The following NAALADL2 variants were observed in gnomAD, a reference collection of about 807,000 sequenced individuals.
The protein encoded by NAALADL2 is inactive N-acetylated-alpha-linked acidic dipeptidase-like protein 2.
Under a neutral mutation model 87.2 loss-of-function variants are expected in NAALADL2, and 76 were observed. That is an observed-to-expected ratio of 0.87 (90% CI 0.72 to 1.05). The LOEUF (loss-of-function observed/expected upper bound fraction) is 1.05. Among genes scored for constraint, NAALADL2 ranks in the 50% least tolerant of loss-of-function variants. The pLI is 0.00. For missense variants in NAALADL2, 1,089 were observed against 945.8 expected, an observed-to-expected ratio of 1.15 and a Z score of -1.99; for synonymous variants, 354 against 331.0, an observed-to-expected ratio of 1.07 and a Z score of -0.75.
At chr3:175,640,375 T>C (rs1729121172) in intron 11 of NAALADL2, among the ~76,000 whole-genome samples, 1 of 152,198 alleles carries the variant, frequency 6.6e-6, no homozygotes, top group South Asian at 2.1e-4. Flanking sequence ...TTGGTGTTTT[T>C]TTCCCTCATG....
intron 11 of NAALADL2, among the ~76,000 whole-genome samples, chr3:175,650,350 G>A (rs1205186390): frequency 6.6e-6 from 1 of 152,140 alleles, no homozygotes; most frequent in African/African-American, 2.4e-5. Flanking sequence ...ATTGCAAATA[G>A]AACTCAAAGG....
In NAALADL2 at chr3:175,177,814, T is replaced by C. The variant is rs1426594343; in HGVS notation, c.546-56117T>C. ...GCTGAAGCACGAATAAGTGAGGTGA[T>C]TTGCCCAGTGAGGTAGGGTACAGTG... is the stretch of plus-strand genomic sequence containing the variant. On this transcript the variant is annotated intron_variant, in intron 2 of 13. Transcript: ENST00000454872. Among the ~76,000 whole-genome samples, 3 of 149,002 alleles carry C rather than the reference T, an allele frequency of 2.0e-5. No homozygotes were observed. The Admixed American group carries it at 2.1e-4, about 10-fold the overall frequency.
intron 5 of NAALADL2, among the ~76,000 whole-genome samples, chr3:175,378,867 C>A (rs1452095145): frequency 6.6e-6 from 1 of 152,134 alleles, no homozygotes; most frequent in Non-Finnish European, 1.5e-5. Flanking sequence ...AGTAGATAAA[C>A]TTTAGGCACT....
chr3:175,373,028 T>C (rs977350261), intron 5 of NAALADL2, among the ~76,000 whole-genome samples: 1 of 152,184 alleles, frequency 6.6e-6, no homozygotes, highest in African/African-American at 2.4e-5. Context: ...TCAGGCAGCC[T>C]CAGAATGAGG....
chr3:175,298,709 G>A (rs1756669217), intron 4 of NAALADL2, among the ~76,000 whole-genome samples: 1 of 151,972 alleles, frequency 6.6e-6, no homozygotes, highest in African/African-American at 2.4e-5. Flanking sequence ...GTTGTATTCT[G>A]TGCATTTCTA....
intron 3 of NAALADL2, among the ~76,000 whole-genome samples, chr3:175,253,805 G>A (rs1043321810): frequency 2.0e-5 from 3 of 152,142 alleles, no homozygotes; most frequent in African/African-American, 4.8e-5. Flanking sequence ...AAGATTTTAA[G>A]GAGGTAACTG....
chr3:175,113,986 A>G (rs1724660703), intron 2 of NAALADL2, among the ~76,000 whole-genome samples: 1 of 151,642 alleles, frequency 6.6e-6, no homozygotes, highest in Non-Finnish European at 1.5e-5. Context: ...CTCACAAAGA[A>G]TCAAGTGTTA....
At chr3:174,733,743 A>G (rs1732924532) in intron 2 of NAALADL2, among the ~76,000 whole-genome samples, 1 of 152,186 alleles carries the variant, frequency 6.6e-6, no homozygotes, top group Non-Finnish European at 1.5e-5. Context: ...GAGATGGGAG[A>G]TCAGTCTCAA....
chr3:175,682,066 G>A (rs891147243), intron 11 of NAALADL2, among the ~76,000 whole-genome samples: 11 of 152,178 alleles, frequency 7.2e-5, no homozygotes, highest in Middle Eastern at 3.4e-3. Context: ...TCAGTTCAGA[G>A]TTGTGTGTCA....
chr3:175,787,023 T>C (rs547644236), intron 13 of NAALADL2, among the ~76,000 whole-genome samples: 34 of 150,914 alleles, frequency 2.3e-4, no homozygotes, highest in South Asian at 1.0e-3. Context: ...TTAGGCTGCT[T>C]GTTGGTCAGG....
At chr3:174,890,128 G>A (rs1289298150) in intron 1 of NAALADL2, among the ~76,000 whole-genome samples, 2 of 152,124 alleles carry the variant, frequency 1.3e-5, no homozygotes, top group Non-Finnish European at 1.5e-5. Flanking sequence ...TCACGATGAC[G>A]TTTCTAGTAA....
At chr3:174,701,315 G>A (rs907010313) in intron 2 of NAALADL2, among the ~76,000 whole-genome samples, 1 of 151,874 alleles carries the variant, frequency 6.6e-6, no homozygotes, top group Non-Finnish European at 1.5e-5. Flanking sequence ...TTGTTGAGCA[G>A]ATGCCAGAGA....
chr3:174,724,480 CT>C (rs1349156522), intron 2 of NAALADL2, among the ~76,000 whole-genome samples: 2 of 151,892 alleles, frequency 1.3e-5, no homozygotes, highest in Non-Finnish European at 2.9e-5. Context: ...ATGTATTTTG[CT>C]TTTTTAGGAG....
intron 2 of NAALADL2, among the ~76,000 whole-genome samples, chr3:174,633,048 G>C (rs1722297902): frequency 6.6e-6 from 1 of 150,716 alleles, no homozygotes. Context: ...GTTTTTAAAT[G>C]AGATTTTTTT....
At chr3:174,620,484 A>G (rs1311497147) in intron 2 of NAALADL2, among the ~76,000 whole-genome samples, 2 of 151,886 alleles carry the variant, frequency 1.3e-5, no homozygotes, top group African/African-American at 4.8e-5. Flanking sequence ...GGGCATTAAT[A>G]CTTGTGGAAT....
intron 5 of NAALADL2, among the ~76,000 whole-genome samples, chr3:175,393,519 A>G (rs1460456962): frequency 3.3e-5 from 5 of 152,066 alleles, no homozygotes; most frequent in Non-Finnish European, 7.4e-5. Context: ...CTACAAGTAT[A>G]GTGCAAAAAT....
At chr3:175,235,365 T>C (rs981198861) in intron 3 of NAALADL2, 2 of 152,230 alleles carry the variant, frequency 1.3e-5, no homozygotes, top group Admixed American at 6.5e-5. Flanking sequence ...AAGAGCTGCA[T>C]ATAACTATTA....
At chr3:175,309,542 G>A (rs549021897) in intron 4 of NAALADL2, among the ~76,000 whole-genome samples, 2 of 151,516 alleles carry the variant, frequency 1.3e-5, no homozygotes, top group Admixed American at 6.6e-5. Flanking sequence ...AAAAAAAAAC[G>A]TGGTTTAAAA....
intron 2 of NAALADL2, among the ~76,000 whole-genome samples, chr3:175,182,702 GT>G (rs1010103834): frequency 2.6e-5 from 4 of 151,256 alleles, no homozygotes; most frequent in African/African-American, 9.7e-5. Flanking sequence ...TGCCAAAAGG[GT>G]TTTTTGTGTT....
Sources: gnomAD v4.1 joint callset for allele counts (sites outside exome capture counted in the v4.1 genomes callset) on GRCh38, gnomAD v4.1.1 for gene constraint, MANE v1.5 for transcripts, NCBI Gene and HGNC (gene_info 2026-07-23, HGNC 2026-07-21) for gene names.